Variants in MRPS35 observed in about 807,000 individuals in gnomAD.
MRPS35 encodes the protein mitochondrial ribosomal protein S35.
MRPS35 carries 29 observed loss-of-function variants against 32.7 expected under a neutral mutation model. The observed-to-expected ratio is 0.89, with a 90% CI of 0.66 to 1.21. The LOEUF (loss-of-function observed/expected upper bound fraction) is 1.21, where lower values mean the gene tolerates loss of function less well. Ranked by LOEUF, MRPS35 falls within the 50% of genes most tolerant of loss-of-function variation. The pLI, the probability that MRPS35 is intolerant of heterozygous loss-of-function variation, is 0.00. For synonymous variants in MRPS35, 148 were observed against 139.3 expected, an observed-to-expected ratio of 1.06 and a Z score of -0.44; for missense variants, 373 against 383.8, an observed-to-expected ratio of 0.97 and a Z score of 0.23.
chr12:27,738,640 G>A (rs2061951712), intron 7 of MRPS35, among the ~76,000 whole-genome samples: 1 of 151,992 alleles, frequency 6.6e-6, no homozygotes, highest in African/African-American at 2.4e-5. Context: ...TAAATTTTTT[G>A]TGCCTTACCC....
intron 4 of MRPS35, 63 bp downstream of exon 4, chr12:27,719,931 G>C (rs2061866754): frequency 8.5e-7 from 1 of 1,173,024 alleles, no homozygotes; most frequent in Non-Finnish European, 1.3e-6. Context: ...AAGAATCTCT[G>C]TTCTGATATA....
intron 7 of MRPS35, among the ~76,000 whole-genome samples, chr12:27,738,871 G>C (rs2061952711): frequency 6.6e-6 from 1 of 150,844 alleles, no homozygotes; most frequent in South Asian, 2.1e-4. Flanking sequence ...CAACAAGGTA[G>C]CGACAATAGT....
intron 7 of MRPS35, chr12:27,753,126 C>A (rs899678646): frequency 6.6e-6 from 1 of 152,126 alleles, no homozygotes; most frequent in Non-Finnish European, 1.5e-5. Context: ...TATGCTGAGA[C>A]GCTGTCCACA....
chr12:27,745,722 C>A (rs1033377410), intron 7 of MRPS35, among the ~76,000 whole-genome samples: 1 of 151,614 alleles, frequency 6.6e-6, no homozygotes, highest in Non-Finnish European at 1.5e-5. Flanking sequence ...CTTCCCCCTG[C>A]CCCCCACAAC....
rs1565473620 is a variant in MRPS35 at position 27,755,626 on chromosome 12, C to T, written c.*176C>T. The stretch of plus-strand genomic sequence containing the variant: ...TTACTCCAGAGTTTTTTAATTTTTA[C>T]ACTGGGGCAATAGACTAGGAGGTCT... On this transcript the variant is annotated 3_prime_UTR_variant, in exon 8 of 8. Transcript: ENST00000081029. The T allele has an allele frequency of 6.1e-6, 3 of 494,158 alleles. No homozygotes were observed. Among genetic ancestry groups the T allele is most frequent in the Non-Finnish European group, 9.9e-6 (3 of 302,688 alleles). 30.6% of individuals were successfully genotyped at this position (494,158 alleles called of 1,614,324 possible). A position where few individuals can be genotyped will look rare whatever the true frequency, so the allele number is the denominator to read the frequency against.
chr12:27,755,923 CAG>C lies in MRPS35; in HGVS notation c.*474_*475del, dbSNP rs911437145. On this transcript the variant is annotated 3_prime_UTR_variant, in exon 8 of 8. Coordinates refer to ENST00000081029, the MANE Select transcript of MRPS35 (RefSeq NM_021821.4). ...CACATTTGTCAACTCTGGTTAGAAACAGGTCCTCAGGAGTATTCTCTAACCTG... is the reference window on the plus strand; with the variant it reads ...CACATTTGTCAACTCTGGTTAGAAACGTCCTCAGGAGTATTCTCTAACCTG... 1 of 152,572 alleles carries C rather than the reference CAG, an allele frequency of 6.6e-6. No individual in the cohort carries two copies. The highest frequency in any genetic ancestry group is 2.4e-5 in the African/African-American group (1 of 41,466). The allele number at this position is 152,572 out of a possible 1,614,324, so 9.5% of individuals were successfully genotyped here.
chr12:27,753,159 G>A (rs2062012796), intron 7 of MRPS35, among the ~76,000 whole-genome samples: 1 of 152,100 alleles, frequency 6.6e-6, no homozygotes. Flanking sequence ...TTACAGGGAG[G>A]TGGGGCAAAC....
At chr12:27,722,831 A>G (rs951177519) in intron 4 of MRPS35, among the ~76,000 whole-genome samples, 5 of 152,322 alleles carry the variant, frequency 3.3e-5, no homozygotes, top group African/African-American at 9.6e-5. Flanking sequence ...GATATCAGAG[A>G]GTCTTTGTAA....
At chr12:27,715,018 A>T (rs1042335670) in intron 2 of MRPS35, among the ~76,000 whole-genome samples, 198 bp downstream of exon 2, 3 of 152,242 alleles carry the variant, frequency 2.0e-5, no homozygotes, top group Admixed American at 1.3e-4. Flanking sequence ...TGAGAGGTTG[A>T]CTTACTGAGG....
At chr12:27,729,986 T>C (rs1279031966) in intron 5 of MRPS35, among the ~76,000 whole-genome samples, 1 of 152,238 alleles carries the variant, frequency 6.6e-6, no homozygotes, top group Non-Finnish European at 1.5e-5. Context: ...TTTTTAAAAT[T>C]AAACTTTTTA....
At chr12:27,751,115 A>AAG (rs2062000857) in intron 7 of MRPS35, among the ~76,000 whole-genome samples, 1 of 150,544 alleles carries the variant, frequency 6.6e-6, no homozygotes, top group Non-Finnish European at 1.5e-5. Flanking sequence ...AAAAAAAAAA[A>AAG]AAAAAAAAAA....
rs534577968 is a variant in MRPS35 at position 27,753,645 on chromosome 12, A to G, written c.703-1536A>G. On this transcript the variant is annotated intron_variant, in intron 7 of 7. Transcript: ENST00000081029. The stretch of plus-strand genomic sequence containing the variant: ...ATCTTTTAATATTTTGCCACCTTTA[A>G]AAGTTGTTATTCAGAATAATAGATG... Among the ~76,000 whole-genome samples, 5 of 152,256 alleles carry G rather than the reference A, an allele frequency of 3.3e-5. No individual in the cohort carries two copies. The East Asian group carries it at 7.7e-4, about 24-fold the overall frequency.
intron 7 of MRPS35, among the ~76,000 whole-genome samples, chr12:27,748,851 G>A (rs2140782998): frequency 6.6e-6 from 1 of 152,142 alleles, no homozygotes; most frequent in East Asian, 1.9e-4. Flanking sequence ...GTGGTTTTAG[G>A]AGCTAAAATG....
chr12:27,747,504 A>T (rs1356125462), intron 7 of MRPS35, among the ~76,000 whole-genome samples: 1 of 152,230 alleles, frequency 6.6e-6, no homozygotes, highest in African/African-American at 2.4e-5. Flanking sequence ...GAAAGAATTG[A>T]CAGTAATTCT....
At chr12:27,731,019 T>C (rs908409473) in intron 5 of MRPS35, among the ~76,000 whole-genome samples, 3 of 152,216 alleles carry the variant, frequency 2.0e-5, no homozygotes, top group South Asian at 2.1e-4. Context: ...TTATTAATCA[T>C]TTATTTATAT....
chr12:27,739,046 A>C (rs1194774590), intron 7 of MRPS35, among the ~76,000 whole-genome samples: 1 of 151,906 alleles, frequency 6.6e-6, no homozygotes, highest in Non-Finnish European at 1.5e-5. Flanking sequence ...ACAGGCATGC[A>C]CCACTACCGC....
At chr12:27,711,091 T>A in intron 1 of MRPS35, 136 bp downstream of exon 1, 1 of 767,906 alleles carries the variant, frequency 1.3e-6, no homozygotes, top group Non-Finnish European at 2.2e-6. Flanking sequence ...GCCCGTCTGG[T>A]AGGAAAACCA....
chr12:27,740,095 G>T (rs2061958153), intron 7 of MRPS35, among the ~76,000 whole-genome samples: 1 of 152,158 alleles, frequency 6.6e-6, no homozygotes, highest in African/African-American at 2.4e-5. Flanking sequence ...TGCTAGAAAA[G>T]AATTTTTATT....
chr12:27,753,485 G>T, intron 7 of MRPS35, among the ~76,000 whole-genome samples: 1 of 152,068 alleles, frequency 6.6e-6, no homozygotes, highest in Non-Finnish European at 1.5e-5. Flanking sequence ...GGGTGGCACG[G>T]GTGGAAACCT....
Sources: gnomAD v4.1 joint callset for allele counts (sites outside exome capture counted in the v4.1 genomes callset) on GRCh38, gnomAD v4.1.1 for gene constraint, MANE v1.5 for transcripts, NCBI Gene and HGNC (gene_info 2026-07-23, HGNC 2026-07-21) for gene names.